The following CD38 variants were observed in gnomAD, a reference collection of about 807,000 sequenced individuals.
The protein encoded by CD38 is ADP-ribosyl cyclase/cyclic ADP-ribose hydrolase 1.
In CD38, 31 loss-of-function variants were observed where a neutral mutation model predicts 36.3. The observed-to-expected ratio is 0.85, with a 90% CI of 0.64 to 1.15. The LOEUF is 1.15. Ranked by LOEUF, CD38 falls within the 50% of genes most tolerant of loss-of-function variation. The pLI, the probability that CD38 is intolerant of heterozygous loss-of-function variation, is 0.00. For missense variants in CD38, 380 were observed against 371.9 expected, an observed-to-expected ratio of 1.02 and a Z score of -0.18; for synonymous variants, 131 against 135.2, an observed-to-expected ratio of 0.97 and a Z score of 0.22.
intron 4 of CD38, 112 bp from the exon 5 acceptor site, chr4:15,837,980 C>G (rs1043290103): frequency 3.7e-6 from 3 of 819,472 alleles, no homozygotes; most frequent in Non-Finnish European, 6.0e-6. Flanking sequence ...GGGCTAAAAC[C>G]ATATGGGATA....
rs1724347827 is a variant in CD38 at position 15,849,833 on chromosome 4, T to C, written c.*1231T>C. 6.6e-6 allele frequency: 1 copy of C among 152,218 alleles called. No individual in the cohort carries two copies. Among genetic ancestry groups the C allele is most frequent in the Admixed American group, 6.5e-5 (1 of 15,280 alleles). The allele number at this position is 152,218 out of a possible 1,614,324, so 9.4% of individuals were successfully genotyped here. ...TTTAGATCACTGATCCTTCAGCTTG[T>C]TTTCTTTTTTGTATACATAGATTTT... is the stretch of plus-strand genomic sequence containing the variant. On this transcript the variant is annotated 3_prime_UTR_variant, in exon 8 of 8. Transcript: ENST00000226279.
chr4:15,800,697 T>C (rs1723199161), intron 1 of CD38, among the ~76,000 whole-genome samples: 1 of 151,878 alleles, frequency 6.6e-6, no homozygotes, highest in Non-Finnish European at 1.5e-5. Flanking sequence ...AATGAAGAAA[T>C]TAAGAAAAAT....
intron 1 of CD38, among the ~76,000 whole-genome samples, chr4:15,790,386 C>T (rs538213633): frequency 6.6e-5 from 10 of 152,138 alleles, no homozygotes; most frequent in Admixed American, 2.0e-4. Flanking sequence ...CTGTGTTGGC[C>T]GGGCTGGTCT....
chr4:15,781,233 A>G (rs1722689390), intron 1 of CD38, among the ~76,000 whole-genome samples: 1 of 152,174 alleles, frequency 6.6e-6, no homozygotes, highest in African/African-American at 2.4e-5. Context: ...GTGTTACCAA[A>G]CTTTTTACCA....
chr4:15,779,026 C>G (rs1276588366), intron 1 of CD38, among the ~76,000 whole-genome samples: 4 of 152,354 alleles, frequency 2.6e-5, no homozygotes, highest in African/African-American at 4.8e-5. Context: ...ATAGAACTCG[C>G]AGATGCAGGG....
chr4:15,836,571 A>G lies in CD38; in HGVS notation c.586-1521A>G, dbSNP rs1724073852. On this transcript the variant is annotated intron_variant, in intron 4 of 7. Coordinates refer to ENST00000226279, the MANE Select transcript of CD38 (RefSeq NM_001775.4). ...AAATCCCTACATTAAAGGTGAAGAA[A>G]CTAAGACTCAGAAGTTAAGTGACTC... 2.0e-5 allele frequency among the ~76,000 whole-genome samples: 3 copies of G among 152,178 alleles called. No homozygotes were observed. The South Asian group carries it at 6.2e-4, about 32-fold the overall frequency.
At position 15,849,260 on chromosome 4, in the gene CD38, G is replaced by C. The variant is rs377758155; in HGVS notation, c.*658G>C. 3 of 152,112 alleles carry C rather than the reference G, an allele frequency of 2.0e-5. No homozygotes were observed. Among genetic ancestry groups the C allele is most frequent in the Non-Finnish European group, 4.4e-5 (3 of 68,022 alleles). The allele number at this position is 152,112 out of a possible 1,614,324, so 9.4% of individuals were successfully genotyped here. ...AAAAGTAATTGCAAGTTTTGCCACC[G>C]AAAGGAATGGCAAAACCACAATTAT... On this transcript the variant is annotated 3_prime_UTR_variant, in exon 8 of 8. Transcript: ENST00000226279.
chr4:15,837,439 G>C (rs1457009417), intron 4 of CD38, among the ~76,000 whole-genome samples: 1 of 152,132 alleles, frequency 6.6e-6, no homozygotes, highest in Non-Finnish European at 1.5e-5. Context: ...TGCTGTCAGA[G>C]TCAGAGAAGG....
At chr4:15,781,816 T>C (rs1052176059) in intron 1 of CD38, among the ~76,000 whole-genome samples, 3 of 152,274 alleles carry the variant, frequency 2.0e-5, no homozygotes, top group Non-Finnish European at 2.9e-5. Context: ...AAGACCTCAC[T>C]TCCAAGTATC....
At chr4:15,814,847 C>T (rs2148921817) in intron 1 of CD38, among the ~76,000 whole-genome samples, 1 of 150,628 alleles carries the variant, frequency 6.6e-6, no homozygotes, top group African/African-American at 2.4e-5. Flanking sequence ...CGCTCTGTTA[C>T]CCAGGCTGGA....
At chr4:15,816,458 A>G (rs989812559) in intron 1 of CD38, 53 bp from the exon 2 acceptor site, 2 of 1,459,124 alleles carry the variant, frequency 1.4e-6, no homozygotes, top group Non-Finnish European at 1.9e-6. Flanking sequence ...TATGCTCCAA[A>G]AATATTTTTA....
At chr4:15,823,453 C>G (rs1193007166) in intron 2 of CD38, among the ~76,000 whole-genome samples, 1 of 152,010 alleles carries the variant, frequency 6.6e-6, no homozygotes, top group Non-Finnish European at 1.5e-5. Context: ...CCAGAATTTA[C>G]AAAGAACTTA....
chr4:15,821,888 A>C (rs1030521330), intron 2 of CD38, among the ~76,000 whole-genome samples: 4 of 151,694 alleles, frequency 2.6e-5, no homozygotes, highest in African/African-American at 9.7e-5. Flanking sequence ...AAAAAAAAAG[A>C]AAGAAAGAAA....
chr4:15,821,971 G>A (rs549059514), intron 2 of CD38, among the ~76,000 whole-genome samples: 5 of 152,172 alleles, frequency 3.3e-5, no homozygotes, highest in African/African-American at 1.2e-4. Flanking sequence ...GAATCCAGCA[G>A]CACATCAAAA....
At chr4:15,833,294 TG>T (rs1230240936) in intron 3 of CD38, among the ~76,000 whole-genome samples, 1 of 152,234 alleles carries the variant, frequency 6.6e-6, no homozygotes, top group Admixed American at 6.5e-5. Flanking sequence ...GTATCACTTC[TG>T]GTTTTTCAGG....
chr4:15,834,440 A>T, intron 4 of CD38, 138 bp downstream of exon 4: 1 of 624,684 alleles, frequency 1.6e-6, no homozygotes, highest in Non-Finnish European at 2.8e-6. Flanking sequence ...CCTGAGAAAA[A>T]GGTTCAGATG....
At chr4:15,782,993 G>A (rs1722731334) in intron 1 of CD38, among the ~76,000 whole-genome samples, 1 of 152,186 alleles carries the variant, frequency 6.6e-6, no homozygotes, top group African/African-American at 2.4e-5. Context: ...TGTTCTTGGC[G>A]TTACCAGGTT....
Position 15,798,635 on chromosome 4 carries a change from C to T in CD38, c.234-17876C>T, listed in dbSNP as rs571808077. 9.8e-5 allele frequency among the ~76,000 whole-genome samples: 15 copies of T among 152,298 alleles called. No individual in the cohort carries two copies. In the East Asian group the frequency reaches 1.9e-3, roughly 20 times the overall value. On this transcript the variant is annotated intron_variant, in intron 1 of 7. Coordinates refer to ENST00000226279, the MANE Select transcript of CD38 (RefSeq NM_001775.4). The stretch of plus-strand genomic sequence containing the variant: ...CTTCTGGAGAGTACGGAACCAACGG[C>T]GTCTGCCACGTTGCATATGGCCAAA...
At chr4:15,837,173 G>A (rs1724084677) in intron 4 of CD38, among the ~76,000 whole-genome samples, 1 of 152,090 alleles carries the variant, frequency 6.6e-6, no homozygotes, top group Non-Finnish European at 1.5e-5. Context: ...GAACCTCCTT[G>A]CGTTCCCCAC....
Sources: allele counts gnomAD v4.1 joint callset (sites outside exome capture counted in the v4.1 genomes callset), GRCh38; gene constraint gnomAD v4.1.1; transcripts MANE v1.5; gene names NCBI Gene and HGNC (gene_info 2026-07-23, HGNC 2026-07-21).